Variants in STX8 observed in about 807,000 individuals in gnomAD.
The protein encoded by STX8 is syntaxin 8, also known as syntaxin-8.
Under a neutral mutation model 37.5 loss-of-function variants are expected in STX8, and 23 were observed. The observed-to-expected ratio is 0.61, with a 90% CI of 0.44 to 0.87. The LOEUF is 0.87. Ranked by LOEUF, STX8 falls within the 40% of genes least tolerant of loss-of-function variation. The probability of loss-of-function intolerance (pLI) is 0.00; values close to 1 mark genes in which losing one functional copy is unlikely to be tolerated. For missense variants in STX8, 313 were observed against 284.7 expected (o/e 1.10, Z -0.71); for synonymous variants, 115 against 99.1 (o/e 1.16, Z -0.95).
intron 7 of STX8, among the ~76,000 whole-genome samples, chr17:9,312,792 C>T (rs1178565054): frequency 6.6e-6 from 1 of 152,144 alleles, no homozygotes; most frequent in Non-Finnish European, 1.5e-5. Context: ...TGTACTAACT[C>T]CACTCTGCAG....
chr17:9,251,926 G>A (rs1158675875), intron 7 of STX8, among the ~76,000 whole-genome samples: 4 of 152,212 alleles, frequency 2.6e-5, no homozygotes, highest in African/African-American at 9.6e-5. Context: ...CACTTTGGGA[G>A]GCCAAGGCGG....
chr17:9,377,688 A>T (rs530490998), intron 7 of STX8, among the ~76,000 whole-genome samples: 1 of 151,990 alleles, frequency 6.6e-6, no homozygotes, highest in African/African-American at 2.4e-5. Context: ...TAATTTTTAA[A>T]TTTTTTATAG....
At chr17:9,336,472 G>A (rs1910144705) in intron 7 of STX8, among the ~76,000 whole-genome samples, 2 of 147,316 alleles carry the variant, frequency 1.4e-5, no homozygotes, top group African/African-American at 2.5e-5. Context: ...GTCTCACTCT[G>A]TGTCCCAGGC....
intron 4 of STX8, among the ~76,000 whole-genome samples, chr17:9,535,424 C>CTTTTTTTTCTTTTTTTTTTT (rs1905993644): frequency 3.9e-5 from 2 of 51,564 alleles, no homozygotes; most frequent in East Asian, 1.7e-3. Context: ...AGCCATCCTA[C>CTTTTTTTTCTTTTTTTTTTT]TTTTTTTTTT....
intron 7 of STX8, among the ~76,000 whole-genome samples, chr17:9,351,854 T>C (rs182646733): frequency 2.0e-5 from 3 of 152,230 alleles, no homozygotes; most frequent in Non-Finnish European, 4.4e-5. Context: ...TTGTGTTAAT[T>C]ATACCGCATC....
chr17:9,378,452 G>T, intron 7 of STX8, 100 bp downstream of exon 7: 2 of 1,048,266 alleles, frequency 1.9e-6, no homozygotes, highest in Non-Finnish European at 2.9e-6. Context: ...TATCAGAAGA[G>T]CAACCAAATC....
chr17:9,416,516 A>G (rs556081640), intron 6 of STX8, among the ~76,000 whole-genome samples: 2 of 152,132 alleles, frequency 1.3e-5, no homozygotes, highest in Non-Finnish European at 2.9e-5. Context: ...TTACAGGCAC[A>G]TGCCACCACG....
chr17:9,296,500 C>CAAAAA lies in STX8; in HGVS notation c.644-45860_644-45856dup, dbSNP rs55811417. Among the ~76,000 whole-genome samples, 552 of 123,150 alleles carry CAAAAA rather than the reference C, an allele frequency of 4.5e-3. 7 individuals are homozygous for CAAAAA. Among genetic ancestry groups the CAAAAA allele is most frequent in the Middle Eastern group, 0.014 (3 of 216 alleles). 80.8% of individuals were successfully genotyped at this position (123,150 alleles called of 152,430 possible). ...GCAACGAGAGTGAAACTCCATCTCT[C>CAAAAA]AAAAAAAAAAAAAAATGTATATTAG... On this transcript the variant is annotated intron_variant, in intron 7 of 7. Coordinates refer to ENST00000306357, the MANE Select transcript of STX8 (RefSeq NM_004853.3).
chr17:9,255,222 A>G (rs576015798), intron 7 of STX8, among the ~76,000 whole-genome samples: 4 of 152,254 alleles, frequency 2.6e-5, no homozygotes, highest in South Asian at 2.1e-4. Context: ...CAGGGCACAC[A>G]TTATCTATAA....
intron 7 of STX8, among the ~76,000 whole-genome samples, chr17:9,347,859 CT>C (rs1445027228): frequency 6.6e-6 from 1 of 152,224 alleles, no homozygotes; most frequent in Non-Finnish European, 1.5e-5. Flanking sequence ...TTTGCCTACT[CT>C]GGACATTTAT....
At chr17:9,257,814 C>G (rs1243355094) in intron 7 of STX8, among the ~76,000 whole-genome samples, 4 of 152,256 alleles carry the variant, frequency 2.6e-5, no homozygotes, top group African/African-American at 9.6e-5. Context: ...ATGGCCAAAC[C>G]CCGTCTCTAC....
intron 6 of STX8, among the ~76,000 whole-genome samples, chr17:9,442,483 C>T (rs80308441): frequency 5.9e-5 from 9 of 152,228 alleles, no homozygotes; most frequent in East Asian, 3.9e-4. Context: ...CTCAGCTCAC[C>T]GCAACCTCCG....
chr17:9,343,121 C>T (rs1342110485), intron 7 of STX8, among the ~76,000 whole-genome samples: 1 of 151,854 alleles, frequency 6.6e-6, no homozygotes, highest in East Asian at 1.9e-4. Flanking sequence ...GAAAAACATG[C>T]CCCAAGAGGA....
chr17:9,546,591 G>GTTTTTTTTTTT (rs386385626), intron 3 of STX8, among the ~76,000 whole-genome samples: 13 of 52,208 alleles, frequency 2.5e-4, no homozygotes, highest in Admixed American at 6.2e-4. Context: ...TACAAAAGTG[G>GTTTTTTTTTTT]TTTTTTTTTT....
chr17:9,287,653 A>G (rs919535288), intron 7 of STX8, among the ~76,000 whole-genome samples: 3 of 152,072 alleles, frequency 2.0e-5, no homozygotes, highest in Non-Finnish European at 4.4e-5. Context: ...GGGATCCCCA[A>G]TCAATGACTA....
intron 6 of STX8, among the ~76,000 whole-genome samples, chr17:9,458,313 C>T (rs1905243720): frequency 6.6e-6 from 1 of 150,872 alleles, no homozygotes; most frequent in Non-Finnish European, 1.5e-5. Context: ...CCACGCCTGG[C>T]TAATTTTTTG....
intron 2 of STX8, among the ~76,000 whole-genome samples, chr17:9,567,290 G>A (rs1041090262): frequency 6.6e-6 from 1 of 152,132 alleles, no homozygotes; most frequent in African/African-American, 2.4e-5. Flanking sequence ...ATGTACCCCT[G>A]AACTTGAAAG....
chr17:9,293,910 C>T (rs973552812), intron 7 of STX8, among the ~76,000 whole-genome samples: 5 of 149,740 alleles, frequency 3.3e-5, no homozygotes, highest in African/African-American at 1.0e-4. Context: ...TACAGGCACC[C>T]GCCACCACGC....
intron 4 of STX8, among the ~76,000 whole-genome samples, chr17:9,532,959 ATTTT>A (rs1011291676): frequency 1.3e-5 from 2 of 152,168 alleles, no homozygotes; most frequent in African/African-American, 4.8e-5. Flanking sequence ...TATATTCCAA[ATTTT>A]TTTTATCAGT....
Sources: allele counts gnomAD v4.1 joint callset (sites outside exome capture counted in the v4.1 genomes callset), GRCh38; gene constraint gnomAD v4.1.1; transcripts MANE v1.5; gene names NCBI Gene and HGNC (gene_info 2026-07-23, HGNC 2026-07-21).